Variants in ZNF10 observed in about 807,000 individuals in gnomAD.
ZNF10 encodes zinc finger protein 10.
Under a neutral mutation model 12.2 loss-of-function variants are expected in ZNF10, and 8 were observed. That is an observed-to-expected ratio of 0.66 (90% CI 0.39 to 1.18). The LOEUF (loss-of-function observed/expected upper bound fraction) is 1.18. ZNF10 is among the 50% of genes most tolerant of loss of function. The pLI, the probability that ZNF10 is intolerant of heterozygous loss-of-function variation, is 0.01. For synonymous variants in ZNF10, 229 were observed against 228.2 expected (o/e 1.00, Z -0.03); for missense variants, 603 against 678.9 (o/e 0.89, Z 1.24).
chr12:133,134,308 CT>C (rs976794477), intron 1 of ZNF10, among the ~76,000 whole-genome samples: 3 of 150,640 alleles, frequency 2.0e-5, no homozygotes, highest in Admixed American at 6.6e-5. Flanking sequence ...GCAAGACTCC[CT>C]CTCAAAAAAA....
At chr12:133,134,920 T>C (rs1955902433) in intron 1 of ZNF10, among the ~76,000 whole-genome samples, 1 of 152,220 alleles carries the variant, frequency 6.6e-6, no homozygotes. Flanking sequence ...ACTCCTAACA[T>C]TGGACCTTTT....
intron 4 of ZNF10, among the ~76,000 whole-genome samples, chr12:133,153,465 C>A (rs193021069): frequency 2.2e-3 from 328 of 152,278 alleles, no homozygotes; most frequent in Non-Finnish European, 2.8e-3. Flanking sequence ...CCCCCCTTAT[C>A]ATAGATATTC....
At chr12:133,142,156 C>G (rs1955948321) in intron 1 of ZNF10, among the ~76,000 whole-genome samples, 1 of 152,204 alleles carries the variant, frequency 6.6e-6, no homozygotes, top group Non-Finnish European at 1.5e-5. Flanking sequence ...GGCGCGGTGG[C>G]TCACGCCTGT....
intron 1 of ZNF10, among the ~76,000 whole-genome samples, chr12:133,137,879 A>T (rs1955921480): frequency 6.6e-6 from 1 of 152,206 alleles, no homozygotes. Context: ...TGCTCTGAGA[A>T]TGACTGATAC....
chr12:133,132,312 C>T (rs1007153326), intron 1 of ZNF10, among the ~76,000 whole-genome samples: 1 of 149,640 alleles, frequency 6.7e-6, no homozygotes, highest in African/African-American at 2.5e-5. Context: ...TCTTGTTGCC[C>T]ATGCTGGAGT....
intron 2 of ZNF10, among the ~76,000 whole-genome samples, chr12:133,146,121 A>T (rs2135461508): frequency 6.6e-6 from 1 of 152,322 alleles, no homozygotes; most frequent in Middle Eastern, 3.4e-3. Context: ...AACTTCAGTA[A>T]TACGAGAATG....
At chr12:133,154,579 T>C (rs561034847) in intron 4 of ZNF10, among the ~76,000 whole-genome samples, 1 of 152,342 alleles carries the variant, frequency 6.6e-6, no homozygotes, top group Admixed American at 6.5e-5. Flanking sequence ...CTTCAAAGTT[T>C]AGCAACTCGT....
rs143972742 is a variant in ZNF10, at chr12:133,156,940, C to T, written c.1694C>T (p.Thr565Ile). ...ACCTCTAACCTTATTGGATACCAGA[C>T]AAATCATATTAGAGAAAATGCTTAC... is the stretch of plus-strand genomic sequence containing the variant. ...VNTSNLIGYQ[T>I]NHIRENAY The change falls in exon 5 of 5, where the codon ACA becomes ATA. Residue 565 changes from threonine (T) to isoleucine (I), a missense_variant. Coordinates refer to ENST00000248211, the MANE Select transcript of ZNF10 (RefSeq NM_015394.5). 27 of 1,429,170 alleles carry T rather than the reference C, an allele frequency of 1.9e-5. No homozygotes were observed. Among genetic ancestry groups the T allele is most frequent in the Non-Finnish European group, 2.5e-5 (27 of 1,089,418 alleles). The allele number at this position is 1,429,170 out of a possible 1,614,324, so 88.5% of individuals were successfully genotyped here.
chr12:133,158,050 G>C lies in ZNF10; in HGVS notation c.*1082G>C, dbSNP rs1350467271. 6.6e-6 allele frequency: 1 copy of C among 152,188 alleles called. No homozygotes were observed. Among genetic ancestry groups the C allele is most frequent in the Non-Finnish European group, 1.5e-5 (1 of 68,032 alleles). 9.4% of individuals were successfully genotyped at this position (152,188 alleles called of 1,614,324 possible). A position where few individuals can be genotyped will look rare whatever the true frequency, so the allele number is the denominator to read the frequency against. ...AGAAAGATTAGTGTTTAAGAGCGTA[G>C]ACTTGAGCTAGACTACCCAGGTTGA... is the stretch of plus-strand genomic sequence containing the variant. On this transcript the variant is annotated 3_prime_UTR_variant, in exon 5 of 5. Coordinates refer to ENST00000248211, the MANE Select transcript of ZNF10 (RefSeq NM_015394.5).
chr12:133,151,723 G>C (rs1956008747), intron 3 of ZNF10, 86 bp from the exon 4 acceptor site: 1 of 963,412 alleles, frequency 1.0e-6, no homozygotes, highest in Non-Finnish European at 1.6e-6. Flanking sequence ...AGGGTTGGTG[G>C]TCAGGTTGAA....
chr12:133,138,869 G>T (rs981213152), intron 1 of ZNF10, among the ~76,000 whole-genome samples: 1 of 152,124 alleles, frequency 6.6e-6, no homozygotes, highest in Non-Finnish European at 1.5e-5. Context: ...AACCGTCTGG[G>T]TTCGTACACC....
chr12:133,146,934 C>T (rs545136370), intron 2 of ZNF10, among the ~76,000 whole-genome samples: 27 of 152,086 alleles, frequency 1.8e-4, no homozygotes, highest in Non-Finnish European at 3.2e-4. Flanking sequence ...TCCATGCTAA[C>T]TCCCCCTCCA....
chr12:133,154,377 A>G (rs1442826396), intron 4 of ZNF10, among the ~76,000 whole-genome samples: 1 of 152,186 alleles, frequency 6.6e-6, no homozygotes, highest in Admixed American at 6.5e-5. Context: ...TAGTAGTCCT[A>G]TCAGTTGTTA....
intron 2 of ZNF10, among the ~76,000 whole-genome samples, chr12:133,145,290 G>T (rs1955968988): frequency 6.6e-6 from 1 of 152,210 alleles, no homozygotes; most frequent in Non-Finnish European, 1.5e-5. Flanking sequence ...AAGCACACAA[G>T]ATATTTCAAA....
chr12:133,144,956 C>T lies in ZNF10; in HGVS notation c.33+431C>T, dbSNP rs377198305. 4.6e-5 allele frequency: 19 copies of T among 412,630 alleles called. No individual in the cohort carries two copies. In the East Asian group the frequency reaches 7.2e-4, roughly 16 times the overall value. 25.6% of individuals were successfully genotyped at this position (412,630 alleles called of 1,614,324 possible). On this transcript the variant is annotated intron_variant, in intron 2 of 4. Transcript: ENST00000248211. ...AGAGTCCAGTGGCGCGATCTCAGCT[C>T]ACTGCAACCTCCACCTCCCAGGTTC...
In ZNF10 at chr12:133,157,691, T is replaced by C. The variant is rs1956051013; in HGVS notation, c.*723T>C. 1 of 152,220 alleles carries C rather than the reference T, an allele frequency of 6.6e-6. No homozygotes were observed. Among genetic ancestry groups the C allele is most frequent in the Admixed American group, 6.5e-5 (1 of 15,278 alleles). The allele number at this position is 152,220 out of a possible 1,614,324, so 9.4% of individuals were successfully genotyped here. On this transcript the variant is annotated 3_prime_UTR_variant, in exon 5 of 5. Transcript: ENST00000248211. ...ATTATTTTAAGAAACTTTTAAATAT[T>C]GTAAGAGGATATCTAGTTTCTCTAT...
In ZNF10 at chr12:133,156,565, A is replaced by G; in HGVS notation, c.1319A>G (p.Lys440Arg). 6.2e-7 allele frequency: 1 copy of G among 1,613,668 alleles called. No individual in the cohort carries two copies. The change falls in exon 5 of 5, where the codon AAA becomes AGA. Residue 440 changes from lysine (K) to arginine (R), a missense_variant. Lys to Arg is a conservative substitution (Grantham distance 26). This residue lies in a region of ZNF10 where 204 missense variants were observed against 262.8 expected (regional missense o/e 0.78). Transcript: ENST00000248211. ...CCTTTTGAGTGTAAGGATTGTGGAAAATGTTTTAGTCGAAGCTCTCACCTT... is the reference window on the plus strand; with the variant it reads ...CCTTTTGAGTGTAAGGATTGTGGAAGATGTTTTAGTCGAAGCTCTCACCTT... ...LKPFECKDCG[K>R]CFSRSSHLYS... is the part of the protein sequence containing the mutation.
intron 1 of ZNF10, among the ~76,000 whole-genome samples, chr12:133,137,327 A>G (rs1412954315): frequency 6.6e-6 from 1 of 152,206 alleles, no homozygotes; most frequent in African/African-American, 2.4e-5. Flanking sequence ...AACATTTAGG[A>G]AAGAGTCCAC....
In ZNF10 at chr12:133,155,689, G is replaced by A. The variant is rs1208748689; in HGVS notation, c.443G>A (p.Arg148Lys). The A allele has an allele frequency of 6.2e-7, 1 of 1,612,318 alleles. No homozygotes were observed. The highest frequency in any genetic ancestry group is 1.1e-5 in the South Asian group (1 of 90,516). ...CAGGAAAACCCAGAGAGACATTTGA[G>A]GCAAGTGGCATTCACCCAAAAGAAA... ...KYQENPERHL[R>K]QVAFTQKKVL... The change falls in exon 5 of 5, where the codon AGG (arginine) becomes AAG (lysine). Residue 148 changes from arginine to lysine, a missense_variant. By Grantham distance (26) the Arg-to-Lys change is conservative (BLOSUM62 2). This residue lies in a region of ZNF10 where 393 missense variants were observed against 399.7 expected (regional missense o/e 0.98). Coordinates refer to ENST00000248211, the MANE Select transcript of ZNF10 (RefSeq NM_015394.5).
Sources: gnomAD v4.1 joint callset for allele counts (sites outside exome capture counted in the v4.1 genomes callset) on GRCh38, gnomAD v4.1.1 for gene constraint, gnomAD v4.1.1 regional missense constraint, MANE v1.5 for transcripts, NCBI Gene and HGNC (gene_info 2026-07-23, HGNC 2026-07-21) for gene names.